ACTR3: variants seen among roughly 807,000 people sequenced by gnomAD.
The protein encoded by ACTR3 is actin related protein 3.
ACTR3 carries 12 observed loss-of-function variants against 56.8 expected under a neutral mutation model. That is an observed-to-expected ratio of 0.21 (90% CI 0.14 to 0.34). ACTR3 has a LOEUF of 0.34. Among genes scored for constraint, ACTR3 ranks in the 10% least tolerant of loss-of-function variants. ACTR3 has a pLI of 1.00. For missense variants in ACTR3, 282 were observed against 512.5 expected, an observed-to-expected ratio of 0.55 and a Z score of 4.34; for synonymous variants, 162 against 167.4, an observed-to-expected ratio of 0.97 and a Z score of 0.25.
intron 9 of ACTR3, 50 bp downstream of exon 9, chr2:113,951,621 ACACC>A: frequency 6.5e-7 from 1 of 1,544,538 alleles, no homozygotes; most frequent in East Asian, 2.3e-5. Flanking sequence ...AAAAACTTAA[ACACC>A]TCTCATAAAA....
At chr2:113,898,317 A>C (rs1235514693) in intron 1 of ACTR3, among the ~76,000 whole-genome samples, 3 of 152,138 alleles carry the variant, frequency 2.0e-5, no homozygotes, top group Non-Finnish European at 4.4e-5. Flanking sequence ...ATAGAGCTGA[A>C]AAGGGATTTT....
chr2:113,934,988 T>A, intron 6 of ACTR3, among the ~76,000 whole-genome samples: 1 of 152,256 alleles, frequency 6.6e-6, no homozygotes, highest in Middle Eastern at 3.4e-3. Flanking sequence ...TTTAAAGTAA[T>A]TTTTATATTA....
intron 1 of ACTR3, among the ~76,000 whole-genome samples, chr2:113,903,739 C>A (rs1178572353): frequency 6.6e-6 from 1 of 152,012 alleles, no homozygotes; most frequent in African/African-American, 2.4e-5. Context: ...AGTGATCTAC[C>A]CACTTCGGCC....
At position 113,939,947 on chromosome 2, in the gene ACTR3, T is replaced by C. The variant is rs1229907099; in HGVS notation, c.541-12T>C. 4 of 1,561,182 alleles carry C rather than the reference T, an allele frequency of 2.6e-6. No individual in the cohort carries two copies. Among genetic ancestry groups the C allele is most frequent in the Non-Finnish European group, 3.5e-6 (4 of 1,149,028 alleles). ...TTGAAAGTAAATTTGGTATCTTTTTTCCCCTCTCTAGGCTGAAGGGTATGT... is the reference window on the plus strand; with the variant it reads ...TTGAAAGTAAATTTGGTATCTTTTTCCCCCTCTCTAGGCTGAAGGGTATGT... On this transcript the variant is annotated splice_polypyrimidine_tract_variant and intron_variant, in intron 6 of 11. Transcript: ENST00000263238.
rs1039650039 is a variant in ACTR3, at chr2:113,961,979, T to C, written c.*4524T>C. 6.6e-6 allele frequency: 1 copy of C among 152,030 alleles called. No homozygotes were observed. The highest frequency in any genetic ancestry group is 1.5e-5 in the Non-Finnish European group (1 of 67,898). 9.4% of individuals were successfully genotyped at this position (152,030 alleles called of 1,614,324 possible). On this transcript the variant is annotated 3_prime_UTR_variant, in exon 12 of 12. Coordinates refer to ENST00000263238, the MANE Select transcript of ACTR3 (RefSeq NM_005721.5). ...TAGCATCTGCTTTATTCATTTCATA[T>C]TTCCAGTGCCTGACATATTGCTTGG...
intron 6 of ACTR3, among the ~76,000 whole-genome samples, chr2:113,937,384 G>A (rs1412408184): frequency 6.6e-6 from 1 of 152,140 alleles, no homozygotes; most frequent in African/African-American, 2.4e-5. Flanking sequence ...GGGATTACAG[G>A]CATGAGCCAC....
intron 10 of ACTR3, 166 bp downstream of exon 10, chr2:113,952,011 A>G: frequency 1.1e-6 from 1 of 894,740 alleles, no homozygotes; most frequent in African/African-American, 1.7e-5. Context: ...ATTCTGGATC[A>G]TTTGATTCTT....
At chr2:113,933,449 G>A (rs902051224) in intron 5 of ACTR3, among the ~76,000 whole-genome samples, 4 of 152,010 alleles carry the variant, frequency 2.6e-5, no homozygotes, top group Non-Finnish European at 5.9e-5. Context: ...CGGAGATTGC[G>A]GTGAGCCGAG....
At chr2:113,918,285 A>T (rs1453346015) in intron 3 of ACTR3, among the ~76,000 whole-genome samples, 1 of 152,024 alleles carries the variant, frequency 6.6e-6, no homozygotes, top group East Asian at 1.9e-4. Context: ...CTAATTTCTA[A>T]CTTTGTGATA....
At chr2:113,916,234 T>A (rs1679402252) in intron 2 of ACTR3, among the ~76,000 whole-genome samples, 1 of 150,996 alleles carries the variant, frequency 6.6e-6, no homozygotes, top group Non-Finnish European at 1.5e-5. Context: ...ACTTGATGGA[T>A]TCGTACATTT....
chr2:113,932,292 T>C lies in ACTR3; in HGVS notation c.432+896T>C, dbSNP rs72952555. ...TCACTTAAACCTGTCATGAACTTTATAGAAGAATTCAGTCTTGAGTGGGAG... is the reference window on the plus strand; with the variant it reads ...TCACTTAAACCTGTCATGAACTTTACAGAAGAATTCAGTCTTGAGTGGGAG... On this transcript the variant is annotated intron_variant, in intron 5 of 11. Transcript: ENST00000263238. 5.6e-3 allele frequency among the ~76,000 whole-genome samples: 849 copies of C among 152,348 alleles called. 10 individuals are homozygous for C. Among genetic ancestry groups the C allele is most frequent in the African/African-American group, 0.019 (778 of 41,584 alleles).
chr2:113,927,158 T>C (rs986815049), intron 3 of ACTR3, among the ~76,000 whole-genome samples, 187 bp from the exon 4 acceptor site: 3 of 152,222 alleles, frequency 2.0e-5, no homozygotes, highest in Admixed American at 6.5e-5. Context: ...CATCTGACAA[T>C]GCGTTATTGA....
At chr2:113,912,887 T>C (rs181722117) in intron 1 of ACTR3, among the ~76,000 whole-genome samples, 4 of 143,330 alleles carry the variant, frequency 2.8e-5, no homozygotes, top group Admixed American at 2.7e-4. Context: ...TTTCCAGTCT[T>C]TTGCTGTTAG....
intron 6 of ACTR3, among the ~76,000 whole-genome samples, chr2:113,936,329 G>A (rs1023890486): frequency 6.8e-6 from 1 of 146,132 alleles, no homozygotes; most frequent in Non-Finnish European, 1.5e-5. Context: ...AAAAAAGGTT[G>A]GTGGGGGGGT....
chr2:113,894,468 A>G (rs1678967062), intron 1 of ACTR3, among the ~76,000 whole-genome samples: 1 of 152,232 alleles, frequency 6.6e-6, no homozygotes. Context: ...GCACTCATTG[A>G]AATTCTTATT....
rs1330767620 is a variant in ACTR3 at position 113,957,657 on chromosome 2, A to G, written c.*202A>G. ...CGAAAGTGATTGTGTTTTTCTTTAG[A>G]TTGAATATTTGAATCTTATGTGTAA... is the stretch of plus-strand genomic sequence containing the variant. On this transcript the variant is annotated 3_prime_UTR_variant, in exon 12 of 12. Transcript: ENST00000263238. 1 of 466,580 alleles carries G rather than the reference A, an allele frequency of 2.1e-6. No individual in the cohort carries two copies. The highest frequency in any genetic ancestry group is 3.9e-6 in the Non-Finnish European group (1 of 259,326). The allele number at this position is 466,580 out of a possible 1,614,324, so 28.9% of individuals were successfully genotyped here. A position where few individuals can be genotyped will look rare whatever the true frequency, so the allele number is the denominator to read the frequency against.
At chr2:113,951,329 T>G in intron 8 of ACTR3, 150 bp from the exon 9 acceptor site, 3 of 534,774 alleles carry the variant, frequency 5.6e-6, no homozygotes, top group Non-Finnish European at 6.8e-6. Context: ...TTCTCTGATT[T>G]CAGTGTCTTC....
chr2:113,959,045 A>T lies in ACTR3; in HGVS notation c.*1590A>T, dbSNP rs1213360648. The T allele has an allele frequency of 6.6e-6, 1 of 152,022 alleles. No individual in the cohort carries two copies. Among genetic ancestry groups the T allele is most frequent in the African/African-American group, 2.4e-5 (1 of 41,430 alleles). 9.4% of individuals were successfully genotyped at this position (152,022 alleles called of 1,614,324 possible). On this transcript the variant is annotated 3_prime_UTR_variant, in exon 12 of 12. Coordinates refer to ENST00000263238, the MANE Select transcript of ACTR3 (RefSeq NM_005721.5). ...ATCCTACAGTAGTATCATCATCAGTATCAAAGGTCTCCTTTTTTTACTTGG... is the reference window on the plus strand; with the variant it reads ...ATCCTACAGTAGTATCATCATCAGTTTCAAAGGTCTCCTTTTTTTACTTGG...
At chr2:113,900,128 T>C (rs775481538) in intron 1 of ACTR3, among the ~76,000 whole-genome samples, 5 of 152,204 alleles carry the variant, frequency 3.3e-5, no homozygotes, top group Admixed American at 6.5e-5. Flanking sequence ...TTTTAAAGTG[T>C]GTAATTGAGT....
Sources: gnomAD v4.1 joint callset for allele counts (sites outside exome capture counted in the v4.1 genomes callset) on GRCh38, gnomAD v4.1.1 for gene constraint, MANE v1.5 for transcripts, NCBI Gene and HGNC (gene_info 2026-07-23, HGNC 2026-07-21) for gene names.